TNRC18: variants seen among roughly 807,000 people sequenced by gnomAD.
The protein encoded by TNRC18 is trinucleotide repeat-containing gene 18 protein.
A neutral mutation model predicts 226.7 loss-of-function variants in TNRC18; 69 were observed. The ratio of observed to expected loss-of-function variants is 0.30; its 90% CI spans 0.25 to 0.37. The LOEUF (loss-of-function observed/expected upper bound fraction) is 0.37, where lower values mean the gene tolerates loss of function less well. Ranked by LOEUF, TNRC18 falls within the 10% of genes least tolerant of loss-of-function variation. The pLI, the probability that TNRC18 is intolerant of heterozygous loss-of-function variation, is 1.00. For missense variants in TNRC18, 4,754 were observed against 4,256.6 expected, an observed-to-expected ratio of 1.12 and a Z score of -3.25; for synonymous variants, 2,449 against 1,927.6, an observed-to-expected ratio of 1.27 and a Z score of -7.09.
At chr7:5,364,136 T>C (rs1388750948) in intron 11 of TNRC18, among the ~76,000 whole-genome samples, 8 of 152,070 alleles carry the variant, frequency 5.3e-5, no homozygotes, top group African/African-American at 1.9e-4. Context: ...CTGTCTCTAC[T>C]AAAAATTCAA....
At chr7:5,379,237 A>C (rs576639272) in intron 5 of TNRC18, among the ~76,000 whole-genome samples, 20 of 152,040 alleles carry the variant, frequency 1.3e-4, no homozygotes, top group African/African-American at 2.2e-4. Context: ...CACACACACA[A>C]AAATTAGGCG....
rs1210826871 is a variant in TNRC18 at position 5,352,040 on chromosome 7, C to A, written c.5249G>T (p.Gly1750Val). The A allele has an allele frequency of 1.9e-6, 3 of 1,613,656 alleles. No homozygotes were observed. The highest frequency in any genetic ancestry group is 4.5e-5 in the East Asian group (2 of 44,872). ...AGGCGTCAGTTTGGAGCTGGAGGGG[C>A]CTTGGGCGGGCCACTCGTCCTTCAG... ...EFLKDEWPAQ[G>V]PSSSKLTPSL... is the part of the protein sequence containing the mutation. The change falls in exon 17 of 30, where the codon GGC (glycine) becomes GTC (valine). Residue 1750 changes from glycine (G) to valine (V), a missense_variant. Gly to Val is a moderately radical substitution (Grantham distance 109). Coordinates refer to ENST00000430969, the MANE Select transcript of TNRC18 (RefSeq NM_001080495.3).
chr7:5,334,691 G>C (rs13243581), intron 18 of TNRC18, among the ~76,000 whole-genome samples: 1 of 152,122 alleles, frequency 6.6e-6, no homozygotes, highest in Non-Finnish European at 1.5e-5. Flanking sequence ...GCTCTGCTCT[G>C]GGTATGACAG....
At position 5,333,031 on chromosome 7, in the gene TNRC18, G is replaced by C. The variant is rs1789713018; in HGVS notation, c.5738C>G (p.Thr1913Ser). 5 of 1,577,182 alleles carry C rather than the reference G, an allele frequency of 3.2e-6. No homozygotes were observed. Among genetic ancestry groups the C allele is most frequent in the Non-Finnish European group, 3.4e-6 (4 of 1,169,836 alleles). Residue 1913 changes from threonine (T) to serine (S), a missense_variant, in exon 19 of 30, where the codon ACC (threonine) becomes AGC (serine). Thr to Ser is a moderately conservative substitution (Grantham distance 58). Coordinates refer to ENST00000430969, the MANE Select transcript of TNRC18 (RefSeq NM_001080495.3). ...CACCTTGACCTCGCTCTCTGAGTCG[G>C]TGTACTCGAACTCTGTGCCTGAACG... ...QSLLGTEFEYTDSESEVKVRK... is the reference protein window; with the variant it reads ...QSLLGTEFEYSDSESEVKVRK...
At chr7:5,409,299 A>C (rs1781688580) in intron 2 of TNRC18, among the ~76,000 whole-genome samples, 1 of 152,190 alleles carries the variant, frequency 6.6e-6, no homozygotes, top group African/African-American at 2.4e-5. Flanking sequence ...AAAAAATACA[A>C]TTAATATCCT....
intron 18 of TNRC18, among the ~76,000 whole-genome samples, chr7:5,333,780 C>T (rs796111531): frequency 3.3e-4 from 51 of 152,304 alleles, no homozygotes; most frequent in African/African-American, 1.2e-3. Flanking sequence ...CTTGGAACGG[C>T]GCTAAGTCCT....
chr7:5,315,996 G>A lies in TNRC18; in HGVS notation c.6822C>T (p.Leu2274=), dbSNP rs1369291792. 1 of 1,603,358 alleles carries A rather than the reference G, an allele frequency of 6.2e-7. No homozygotes were observed. The highest frequency in any genetic ancestry group is 8.5e-7 in the Non-Finnish European group (1 of 1,175,222). Residue 2274 remains leucine, a synonymous_variant, in exon 25 of 30, where the codon CTC becomes CTT. Coordinates refer to ENST00000430969, the MANE Select transcript of TNRC18 (RefSeq NM_001080495.3). ...FDDGDTGRIP[L]SHIRLLPPDY... is the part of the protein sequence containing the mutation. ...CAGGGGGCAGGAGGCGGATATGTGA[G>A]AGGGGGATCCTGCCCGTGTCTCCGT... is the stretch of plus-strand genomic sequence containing the variant.
In TNRC18 at chr7:5,333,034, T is replaced by C. The variant is rs751103817; in HGVS notation, c.5735A>G (p.Tyr1912Cys). 4 of 1,576,844 alleles carry C rather than the reference T, an allele frequency of 2.5e-6. No individual in the cohort carries two copies. Among genetic ancestry groups the C allele is most frequent in the Non-Finnish European group, 1.7e-6 (2 of 1,169,646 alleles). The change falls in exon 19 of 30, where the codon TAC becomes TGC. Residue 1912 changes from tyrosine to cysteine, a missense_variant. Transcript: ENST00000430969. ...RQSLLGTEFE[Y>C]TDSESEVKVR... ...CTTGACCTCGCTCTCTGAGTCGGTG[T>C]ACTCGAACTCTGTGCCTGAACGCGG...
At chr7:5,400,046 T>C (rs1454998107) in intron 2 of TNRC18, among the ~76,000 whole-genome samples, 3 of 150,172 alleles carry the variant, frequency 2.0e-5, no homozygotes, top group East Asian at 1.9e-4. Flanking sequence ...TGCACCACCA[T>C]GTACAGCTCA....
At position 5,324,449 on chromosome 7, in the gene TNRC18, G is replaced by C; in HGVS notation, c.6301-94C>G. The C allele has an allele frequency of 6.7e-7, 1 of 1,495,576 alleles. No homozygotes were observed. Among genetic ancestry groups the C allele is most frequent in the East Asian group, 2.3e-5 (1 of 44,004 alleles). 92.6% of individuals were successfully genotyped at this position (1,495,576 alleles called of 1,614,324 possible). A position where few individuals can be genotyped will look rare whatever the true frequency, so the allele number is the denominator to read the frequency against. ...CTCTGGAAACCTGGAGCCACAGTCA[G>C]GCCGCAGGGGGAATCTGTCATGTGC... On this transcript the variant is annotated intron_variant, in intron 20 of 29. Transcript: ENST00000430969. This position sits in a 1 kb window ranked among gnomAD's most constrained non-coding sequence, Gnocchi z 4.8.
intron 18 of TNRC18, among the ~76,000 whole-genome samples, chr7:5,338,851 T>C (rs549736366): frequency 7.8e-6 from 1 of 128,170 alleles, no homozygotes; most frequent in African/African-American, 3.1e-5. Flanking sequence ...ACCCGGGAGG[T>C]GGAGGTTGTG....
chr7:5,392,895 G>A lies in TNRC18; in HGVS notation c.343+1545C>T, dbSNP rs555058581. Among the ~76,000 whole-genome samples, 21 of 151,656 alleles carry A rather than the reference G, an allele frequency of 1.4e-4. No individual in the cohort carries two copies. The South Asian group carries it at 3.1e-3, about 23-fold the overall frequency. ...GGCGTGATGGTGTGCACCTGTAGTC[G>A]CAGCTACTCAGGAGGCTGAGGTGGG... is the stretch of plus-strand genomic sequence containing the variant. On this transcript the variant is annotated intron_variant, in intron 3 of 29. Transcript: ENST00000430969.
At position 5,308,044 on chromosome 7, in the gene TNRC18, A is replaced by G; in HGVS notation, c.*62T>C. The G allele has an allele frequency of 6.9e-7, 1 of 1,449,588 alleles. No individual in the cohort carries two copies. The highest frequency in any genetic ancestry group is 9.4e-7 in the Non-Finnish European group (1 of 1,064,762). 89.8% of individuals were successfully genotyped at this position (1,449,588 alleles called of 1,614,324 possible). On this transcript the variant is annotated 3_prime_UTR_variant, in exon 30 of 30. Coordinates refer to ENST00000430969, the MANE Select transcript of TNRC18 (RefSeq NM_001080495.3). ...ACGCACGTGGTCTCCGCGCCATGGC[A>G]GTGATGGAGATGGGTCCCTGGCCGC...
rs771960365 is a variant in TNRC18 at position 5,376,894 on chromosome 7, T to A, written c.2561A>T (p.Gln854Leu). Residue 854 changes from glutamine (Q) to leucine (L), a missense_variant, in exon 8 of 30, where the codon CAA (glutamine) becomes CTA (leucine). Coordinates refer to ENST00000430969, the MANE Select transcript of TNRC18 (RefSeq NM_001080495.3). The part of the protein sequence containing the change: ...PSAYQFVRDP[Q>L]SGQLVVIPSD... ...GGGAATGACCACCAGCTGGCCCGAT[T>A]GGGGGTCCCTGACAAACTGGTAGGC... The A allele has an allele frequency of 1.2e-6, 2 of 1,610,708 alleles. No individual in the cohort carries two copies.
intron 2 of TNRC18, among the ~76,000 whole-genome samples, chr7:5,397,635 T>G (rs1172470885): frequency 2.6e-5 from 4 of 152,076 alleles, no homozygotes; most frequent in African/African-American, 9.7e-5. Context: ...AACAAACTTC[T>G]CCCTGGTCAC....
intron 19 of TNRC18, among the ~76,000 whole-genome samples, chr7:5,326,362 G>C (rs745661678): frequency 6.6e-6 from 1 of 152,170 alleles, no homozygotes; most frequent in Admixed American, 6.6e-5. Context: ...ATTGAGCCAA[G>C]GTATGGAGAA....
intron 2 of TNRC18, among the ~76,000 whole-genome samples, chr7:5,398,495 T>A (rs1032993247): frequency 6.6e-6 from 1 of 151,986 alleles, no homozygotes; most frequent in African/African-American, 2.4e-5. Flanking sequence ...TTCTTTTTCT[T>A]TTTTGCAGAG....
At chr7:5,410,131 T>C (rs1781746286) in intron 2 of TNRC18, among the ~76,000 whole-genome samples, 1 of 149,330 alleles carries the variant, frequency 6.7e-6, no homozygotes, top group African/African-American at 2.5e-5. Flanking sequence ...GCCAACCTGG[T>C]GAAACCCCAT....
chr7:5,387,697 G>C lies in TNRC18; in HGVS notation c.2127C>G (p.Arg709=). ...RLGPGLVDQE[R]SLSLSNVKGH... ...CTTTGACGTTACTCAGCGACAGAGAGCGCTCCTGGTCTACCAGCCCAGGCC... is the reference window on the plus strand; with the variant it reads ...CTTTGACGTTACTCAGCGACAGAGACCGCTCCTGGTCTACCAGCCCAGGCC... Residue 709 remains arginine, a synonymous_variant, in exon 5 of 30, where the codon CGC becomes CGG. Transcript: ENST00000430969. 2.5e-6 allele frequency: 4 copies of C among 1,605,144 alleles called. No individual in the cohort carries two copies. The highest frequency in any genetic ancestry group is 3.4e-6 in the Non-Finnish European group (4 of 1,179,840).
Sources: gnomAD v4.1 joint callset for allele counts (sites outside exome capture counted in the v4.1 genomes callset) on GRCh38, gnomAD v4.1.1 for gene constraint, Gnocchi (gnomAD v3.1) non-coding constraint, MANE v1.5 for transcripts, NCBI Gene and HGNC (gene_info 2026-07-23, HGNC 2026-07-21) for gene names.